OR3A2: variants seen among roughly 807,000 people sequenced by gnomAD.
OR3A2 encodes the protein olfactory receptor family 3 subfamily A member 2.
For missense variants in OR3A2, 318 were observed against 392.8 expected, an observed-to-expected ratio of 0.81 and a Z score of 1.61; for synonymous variants, 126 against 159.3, an observed-to-expected ratio of 0.79 and a Z score of 1.57.
At chr17:3,301,207 A>G (rs1477795941) in intron 3 of OR3A2, among the ~76,000 whole-genome samples, 1 of 152,222 alleles carries the variant, frequency 6.6e-6, no homozygotes, top group African/African-American at 2.4e-5. Flanking sequence ...GTATATACCC[A>G]GTAATGGGAT....
intron 1 of OR3A2, among the ~76,000 whole-genome samples, chr17:3,385,003 C>T (rs919388892): frequency 6.6e-6 from 1 of 152,080 alleles, no homozygotes; most frequent in Non-Finnish European, 1.5e-5. Flanking sequence ...ACCAGCCTGA[C>T]CAACATGGAG....
intron 2 of OR3A2, among the ~76,000 whole-genome samples, chr17:3,356,303 A>G (rs1179314980): frequency 2.0e-5 from 3 of 151,428 alleles, no homozygotes; most frequent in Non-Finnish European, 4.4e-5. Flanking sequence ...CTGTTTTTCC[A>G]TGCACTTACT....
At chr17:3,352,633 C>T (rs926210016) in intron 2 of OR3A2, among the ~76,000 whole-genome samples, 2 of 151,944 alleles carry the variant, frequency 1.3e-5, no homozygotes, top group Non-Finnish European at 2.9e-5. Context: ...CAGTACCATG[C>T]TGTTTTGGTT....
At chr17:3,344,712 G>C (rs889647187) in intron 2 of OR3A2, among the ~76,000 whole-genome samples, 1 of 152,116 alleles carries the variant, frequency 6.6e-6, no homozygotes, top group South Asian at 2.1e-4. Context: ...ATCTCCTTCA[G>C]TTTATGAGCT....
At chr17:3,306,000 G>T (rs1035422369) in intron 3 of OR3A2, among the ~76,000 whole-genome samples, 1 of 152,214 alleles carries the variant, frequency 6.6e-6, no homozygotes, top group Non-Finnish European at 1.5e-5. Context: ...TGAGTGGCAG[G>T]ATCCTATCTC....
Position 3,291,754 on chromosome 17 carries a change from C to A in OR3A2, c.-84-12601G>T. 6.2e-7 allele frequency: 1 copy of A among 1,613,758 alleles called. No homozygotes were observed. The highest frequency in any genetic ancestry group is 8.5e-7 in the Non-Finnish European group (1 of 1,179,660). The stretch of plus-strand genomic sequence containing the variant: ...TTGATGACAGTGTTGAAAATTCCAA[C>A]AGCTTTATCCTTGTCTGAAAGCTTG... On this transcript the variant is annotated intron_variant, in intron 3 of 4. Transcript: ENST00000573491.
downstream of OR3A2, among the ~76,000 whole-genome samples, chr17:3,276,212 C>T (rs1302456029): frequency 6.6e-6 from 1 of 151,720 alleles, no homozygotes; most frequent in East Asian, 1.9e-4. Context: ...GAAATTGTGA[C>T]TTACATGTTT....
chr17:3,347,669 A>G (rs1242300892), intron 2 of OR3A2, among the ~76,000 whole-genome samples: 2 of 152,188 alleles, frequency 1.3e-5, no homozygotes, highest in East Asian at 3.8e-4. Context: ...GTTGGTTCCA[A>G]GTCCTTGCTA....
chr17:3,351,944 A>G (rs959726646), intron 2 of OR3A2, among the ~76,000 whole-genome samples: 51 of 152,290 alleles, frequency 3.3e-4, no homozygotes, highest in Middle Eastern at 3.4e-3. Flanking sequence ...AGGATTCCCT[A>G]CTTAATAAAT....
intron 3 of OR3A2, among the ~76,000 whole-genome samples, chr17:3,294,000 C>T (rs1039738446): frequency 2.6e-5 from 4 of 152,060 alleles, no homozygotes; most frequent in African/African-American, 9.7e-5. Context: ...AGAGCTAATG[C>T]ATGCTGGGCT....
intron 2 of OR3A2, among the ~76,000 whole-genome samples, chr17:3,344,456 C>T (rs368178676): frequency 9.2e-5 from 14 of 152,092 alleles, no homozygotes; most frequent in African/African-American, 3.4e-4. Flanking sequence ...AGATTCCCCA[C>T]CATACAGCTA....
chr17:3,298,563 A>C (rs1404841374), intron 3 of OR3A2, among the ~76,000 whole-genome samples: 2 of 152,202 alleles, frequency 1.3e-5, no homozygotes, highest in Non-Finnish European at 2.9e-5. Context: ...CTGGCATGGG[A>C]GAGTCCCAGA....
At chr17:3,342,444 G>A (rs1394173700) in intron 2 of OR3A2, among the ~76,000 whole-genome samples, 1 of 152,130 alleles carries the variant, frequency 6.6e-6, no homozygotes, top group African/African-American at 2.4e-5. Context: ...CCTACAGATG[G>A]GGTTTTGGTG....
chr17:3,355,773 A>G (rs1268415496), intron 2 of OR3A2, among the ~76,000 whole-genome samples: 1 of 151,048 alleles, frequency 6.6e-6, no homozygotes, highest in Non-Finnish European at 1.5e-5. Flanking sequence ...CCACTCAGCC[A>G]CTCTGTCTTT....
At chr17:3,317,685 TAC>T (rs764481885) in intron 3 of OR3A2, among the ~76,000 whole-genome samples, 14 of 152,190 alleles carry the variant, frequency 9.2e-5, no homozygotes, top group Non-Finnish European at 1.5e-4. Context: ...TGAATTGAGG[TAC>T]AGAATTACTG....
intron 3 of OR3A2, among the ~76,000 whole-genome samples, chr17:3,307,470 G>C (rs1003809539): frequency 6.6e-6 from 1 of 152,160 alleles, no homozygotes; most frequent in African/African-American, 2.4e-5. Context: ...TTCCAAACCT[G>C]TTAATGAGAG....
chr17:3,344,782 C>T (rs2049348572), intron 2 of OR3A2, among the ~76,000 whole-genome samples: 1 of 152,154 alleles, frequency 6.6e-6, no homozygotes, highest in African/African-American at 2.4e-5. Flanking sequence ...CCAGTTATAG[C>T]TTTAGGGAAG....
At chr17:3,277,922 AT>A (rs1567538823) in exon 2 of OR3A2, 2 of 1,526,264 alleles carry the variant, frequency 1.3e-6, no homozygotes, top group Non-Finnish European at 1.8e-6. Context: ...TTCATGGGAA[AT>A]TTTCCTCAGT....
chr17:3,326,717 CCA>C (rs1436045180), intron 3 of OR3A2, among the ~76,000 whole-genome samples: 1 of 118,966 alleles, frequency 8.4e-6, no homozygotes, highest in Non-Finnish European at 1.7e-5. Context: ...CCCCACTCCA[CCA>C]CAGTCCCCAC....
Sources: allele counts gnomAD v4.1 joint callset (sites outside exome capture counted in the v4.1 genomes callset), GRCh38; gene constraint gnomAD v4.1.1; transcripts MANE v1.5; gene names NCBI Gene and HGNC (gene_info 2026-07-23, HGNC 2026-07-21).